Variants in NKAIN2 observed in about 807,000 individuals in gnomAD.
NKAIN2 encodes sodium/potassium-transporting ATPase subunit beta-1-interacting protein 2.
A neutral mutation model predicts 32.6 loss-of-function variants in NKAIN2; 14 were observed. The ratio of observed to expected loss-of-function variants is 0.43; its 90% CI spans 0.28 to 0.67. The LOEUF (loss-of-function observed/expected upper bound fraction) is 0.67. NKAIN2 is among the 30% of genes least tolerant of loss of function. The pLI is 0.17. For missense variants in NKAIN2, 198 were observed against 258.3 expected (o/e 0.77, Z 1.60); for synonymous variants, 80 against 87.2 (o/e 0.92, Z 0.46).
At chr6:124,157,457 T>C in intron 1 of NKAIN2, among the ~76,000 whole-genome samples, 1 of 152,132 alleles carries the variant, frequency 6.6e-6, no homozygotes, top group East Asian at 1.9e-4. Flanking sequence ...CTATAAGAGG[T>C]AGCGCTATTG....
chr6:124,412,337 C>A (rs953557222), intron 3 of NKAIN2, among the ~76,000 whole-genome samples: 2 of 152,230 alleles, frequency 1.3e-5, no homozygotes, highest in South Asian at 4.2e-4. Flanking sequence ...ATGATGGTGA[C>A]GTACAGATGG....
At chr6:124,715,192 T>G (rs1484352211) in intron 4 of NKAIN2, among the ~76,000 whole-genome samples, 1 of 152,180 alleles carries the variant, frequency 6.6e-6, no homozygotes, top group East Asian at 1.9e-4. Context: ...CCTCCCTAAC[T>G]TGTAGCTGCT....
intron 3 of NKAIN2, among the ~76,000 whole-genome samples, chr6:124,469,871 A>C (rs1776905620): frequency 6.6e-6 from 1 of 152,050 alleles, no homozygotes; most frequent in South Asian, 2.1e-4. Context: ...TCTCCCCGTC[A>C]CCTCTTCTTA....
intron 1 of NKAIN2, among the ~76,000 whole-genome samples, chr6:123,933,224 A>T (rs932826886): frequency 6.6e-6 from 1 of 152,190 alleles, no homozygotes; most frequent in African/African-American, 2.4e-5. Context: ...ACTTGTCATG[A>T]TGTTTTATTT....
At chr6:124,156,148 A>T (rs1262786093) in intron 1 of NKAIN2, among the ~76,000 whole-genome samples, 1 of 152,038 alleles carries the variant, frequency 6.6e-6, no homozygotes, top group Non-Finnish European at 1.5e-5. Flanking sequence ...TTAGACACTT[A>T]AGGGGGCCAG....
intron 1 of NKAIN2, among the ~76,000 whole-genome samples, chr6:124,275,600 G>C (rs915192359): frequency 1.3e-5 from 2 of 152,102 alleles, no homozygotes; most frequent in African/African-American, 4.8e-5. Flanking sequence ...TACCACAACA[G>C]ATTTAATATA....
At chr6:124,376,703 A>G (rs990351680) in intron 3 of NKAIN2, among the ~76,000 whole-genome samples, 5 of 152,124 alleles carry the variant, frequency 3.3e-5, no homozygotes, top group African/African-American at 1.2e-4. Flanking sequence ...CCTATCCAAT[A>G]TAAAACAGAA....
At chr6:124,573,839 G>C (rs941977275) in intron 3 of NKAIN2, among the ~76,000 whole-genome samples, 3 of 152,160 alleles carry the variant, frequency 2.0e-5, no homozygotes, top group Non-Finnish European at 1.5e-5. Flanking sequence ...AATCCTCTGA[G>C]AGTGCAACTG....
chr6:124,012,744 T>C (rs1780394538), intron 1 of NKAIN2, among the ~76,000 whole-genome samples: 2 of 152,326 alleles, frequency 1.3e-5, no homozygotes, highest in South Asian at 2.1e-4. Flanking sequence ...AATAGACACT[T>C]GGGTTGTTTC....
chr6:123,942,298 G>A (rs1474403897), intron 1 of NKAIN2, among the ~76,000 whole-genome samples: 10 of 151,920 alleles, frequency 6.6e-5, no homozygotes, highest in Non-Finnish European at 1.0e-4. Context: ...AGAATAATAC[G>A]TAATACTGAT....
chr6:124,160,239 CTT>C (rs1788203297), intron 1 of NKAIN2, among the ~76,000 whole-genome samples: 1 of 152,160 alleles, frequency 6.6e-6, no homozygotes, highest in Admixed American at 6.6e-5. Context: ...ATACAGCAGA[CTT>C]TTCTTTTTCT....
At chr6:124,437,871 G>GGTTTTTTTTTTTTTTTTTT (rs751652394) in intron 3 of NKAIN2, 2 of 345,726 alleles carry the variant, frequency 5.8e-6, no homozygotes. Context: ...CTGATCTATT[G>GGTTTTTTTTTTTTTTTTTT]ATTTTTTTTT....
intron 1 of NKAIN2, among the ~76,000 whole-genome samples, chr6:123,945,212 G>A (rs1287111246): frequency 6.6e-6 from 1 of 152,008 alleles, no homozygotes; most frequent in Admixed American, 6.6e-5. Context: ...ATGTCTTCAA[G>A]TTCCTGTTTC....
intron 1 of NKAIN2, among the ~76,000 whole-genome samples, chr6:123,816,731 G>A (rs1466788959): frequency 6.6e-6 from 1 of 152,090 alleles, no homozygotes; most frequent in Non-Finnish European, 1.5e-5. Flanking sequence ...AGAATAAGGA[G>A]GTGGGTACAG....
At chr6:124,562,467 G>T (rs543189955) in intron 3 of NKAIN2, among the ~76,000 whole-genome samples, 3 of 152,154 alleles carry the variant, frequency 2.0e-5, no homozygotes, top group Non-Finnish European at 4.4e-5. Context: ...TATCTGGCTA[G>T]AACAGAGGTT....
chr6:124,158,793 A>T (rs183591015), intron 1 of NKAIN2, among the ~76,000 whole-genome samples: 32 of 152,316 alleles, frequency 2.1e-4, no homozygotes, highest in Admixed American at 1.0e-3. Context: ...CTATTTGCCA[A>T]GTTGTCACAT....
chr6:124,109,209 T>A (rs1157572751), intron 1 of NKAIN2, among the ~76,000 whole-genome samples: 3 of 151,988 alleles, frequency 2.0e-5, no homozygotes, highest in African/African-American at 7.2e-5. Context: ...ATTTGCTGTG[T>A]TTTTTAAAAT....
At chr6:124,443,796 T>A (rs1775786643) in intron 3 of NKAIN2, among the ~76,000 whole-genome samples, 1 of 152,102 alleles carries the variant, frequency 6.6e-6, no homozygotes, top group Non-Finnish European at 1.5e-5. Context: ...AGGTAAATGA[T>A]CATAGCTGTG....
chr6:124,726,656 T>A (rs1442235546), intron 4 of NKAIN2, among the ~76,000 whole-genome samples: 2 of 146,670 alleles, frequency 1.4e-5, no homozygotes, highest in Non-Finnish European at 3.0e-5. Flanking sequence ...GCGCCTCTCC[T>A]CCTCCAAAGG....
Sources: gnomAD v4.1 joint callset for allele counts (sites outside exome capture counted in the v4.1 genomes callset) on GRCh38, gnomAD v4.1.1 for gene constraint, MANE v1.5 for transcripts, NCBI Gene and HGNC (gene_info 2026-07-23, HGNC 2026-07-21) for gene names.